The following PREPL variants were observed in gnomAD, a reference collection of about 807,000 sequenced individuals.
PREPL encodes prolyl endopeptidase like.
PREPL carries 77 observed loss-of-function variants against 70.6 expected under a neutral mutation model. The ratio of observed to expected loss-of-function variants is 1.09; its 90% CI spans 0.91 to 1.32. The LOEUF is 1.32. Ranked by LOEUF, PREPL falls within the 40% of genes most tolerant of loss-of-function variation. PREPL has a pLI of 0.00. For missense variants in PREPL, 1,002 were observed against 778.2 expected (o/e 1.29, Z -3.42); for synonymous variants, 315 against 264.8 (o/e 1.19, Z -1.84).
At chr2:44,349,777 A>G (rs1676210514) in intron 1 of PREPL, among the ~76,000 whole-genome samples, 1 of 152,102 alleles carries the variant, frequency 6.6e-6, no homozygotes, top group African/African-American at 2.4e-5. Flanking sequence ...CGAGGAGAGA[A>G]AAAGGCATAA....
chr2:44,338,843 T>C (rs188728999), intron 6 of PREPL, among the ~76,000 whole-genome samples: 29 of 152,342 alleles, frequency 1.9e-4, no homozygotes, highest in African/African-American at 6.5e-4. Flanking sequence ...AAGAACTGCC[T>C]AGCTGAGATC....
chr2:44,351,397 T>C (rs754139938), intron 1 of PREPL, among the ~76,000 whole-genome samples: 2 of 152,154 alleles, frequency 1.3e-5, no homozygotes, highest in Admixed American at 6.5e-5. Flanking sequence ...TGAACAATCC[T>C]GACCAAGATG....
rs767168885 is a variant in PREPL, at chr2:44,320,577, T to C, written c.*779A>G. The C allele has an allele frequency of 6.2e-7, 1 of 1,614,102 alleles. No homozygotes were observed. The highest frequency in any genetic ancestry group is 8.5e-7 in the Non-Finnish European group (1 of 1,179,950). On this transcript the variant is annotated 3_prime_UTR_variant, in exon 14 of 14. Transcript: ENST00000409411. ...TCGCCAAACAGCTTTCAGAGATAGATGCTTTGTTTCCAATCGAGCATGCTA... is the reference window on the plus strand; with the variant it reads ...TCGCCAAACAGCTTTCAGAGATAGACGCTTTGTTTCCAATCGAGCATGCTA...
intron 13 of PREPL, 164 bp from the exon 14 acceptor site, chr2:44,321,609 A>T: frequency 6.8e-7 from 1 of 1,480,650 alleles, no homozygotes; most frequent in Non-Finnish European, 8.9e-7. Flanking sequence ...AACAATTAAG[A>T]TTAAATTATT....
chr2:44,343,725 T>C lies in PREPL; in HGVS notation c.349+20A>G, dbSNP rs1199096860. The C allele has an allele frequency of 7.5e-6, 12 of 1,594,322 alleles. No individual in the cohort carries two copies. Among genetic ancestry groups the C allele is most frequent in the African/African-American group, 1.3e-5 (1 of 74,398 alleles). On this transcript the variant is annotated intron_variant, in intron 4 of 13. Coordinates refer to ENST00000409411, the MANE Select transcript of PREPL (RefSeq NM_001171613.2). ...ACCGTTGCCTTTCAACACAGAGGAC[T>C]ATTTTGGTTGGTGGCTTACCAAAAC...
chr2:44,321,920 G>C lies in PREPL; in HGVS notation c.1754-20C>G, dbSNP rs1192640537. 2.5e-6 allele frequency: 4 copies of C among 1,605,110 alleles called. No homozygotes were observed. Among genetic ancestry groups the C allele is most frequent in the Non-Finnish European group, 3.4e-6 (4 of 1,174,782 alleles). On this transcript the variant is annotated intron_variant, in intron 12 of 13. Transcript: ENST00000409411. ...GATAGCCTGGAAGAGTTAACATGTAGAACAATTAGAAGATTGTATGGGATC... is the reference window on the plus strand; with the variant it reads ...GATAGCCTGGAAGAGTTAACATGTACAACAATTAGAAGATTGTATGGGATC...
chr2:44,320,258 T>C lies in PREPL; in HGVS notation c.*1098A>G. The C allele has an allele frequency of 1.2e-6, 2 of 1,614,120 alleles. No individual in the cohort carries two copies. The highest frequency in any genetic ancestry group is 2.2e-5 in the East Asian group (1 of 44,884). On this transcript the variant is annotated 3_prime_UTR_variant, in exon 14 of 14. Coordinates refer to ENST00000409411, the MANE Select transcript of PREPL (RefSeq NM_001171613.2). The stretch of plus-strand genomic sequence containing the variant: ...TATATCAAGATTTAAGTCTACTTCA[T>C]GCCAATGAGCTACTCCTCAACAGGG...
rs116860306 is a variant in PREPL at position 44,349,636 on chromosome 2, C to T, written c.-48-3246G>A. Among the ~76,000 whole-genome samples, 111 of 151,978 alleles carry T rather than the reference C, an allele frequency of 7.3e-4. 2 individuals are homozygous for T. In the East Asian group the frequency reaches 0.018, roughly 25 times the overall value. On this transcript the variant is annotated intron_variant, in intron 1 of 13. Coordinates refer to ENST00000409411, the MANE Select transcript of PREPL (RefSeq NM_001171613.2). ...AATTAAAAGTTGGTTCTTTTAGAAA[C>T]CTATTAAAAAACAAACATCACAAAA... is the stretch of plus-strand genomic sequence containing the variant.
chr2:44,360,970 G>A (rs1294737265), intron 1 of PREPL, among the ~76,000 whole-genome samples: 1 of 152,080 alleles, frequency 6.6e-6, no homozygotes, highest in Non-Finnish European at 1.5e-5. Context: ...CCATGTCGCA[G>A]CAAAATAATG....
chr2:44,329,048 G>A lies in PREPL; in HGVS notation c.1151C>T (p.Pro384Leu). 6.2e-7 allele frequency: 1 copy of A among 1,612,698 alleles called. No individual in the cohort carries two copies. The highest frequency in any genetic ancestry group is 8.5e-7 in the Non-Finnish European group (1 of 1,178,868). Residue 384 changes from proline (P) to leucine (L), a missense_variant, in exon 9 of 14, where the codon CCT becomes CTT. Coordinates refer to ENST00000409411, the MANE Select transcript of PREPL (RefSeq NM_001171613.2). Reference protein sequence around the residue: ...KTDSEDLQKKPLLVHVYGAYG... With the variant: ...KTDSEDLQKKLLLVHVYGAYG... ...AGCTCCATATACATGTACCAAGAGA[G>A]GTTTCTTCTGCAAGTCCTCAGAGTC...
chr2:44,340,312 CTAATT>C (rs1246876010), intron 5 of PREPL, among the ~76,000 whole-genome samples: 6 of 151,976 alleles, frequency 3.9e-5, no homozygotes, highest in Non-Finnish European at 2.9e-5. Context: ...AATGGAAATA[CTAATT>C]TAATAAGTGT....
chr2:44,327,331 T>A lies in PREPL; in HGVS notation c.1263-403A>T, dbSNP rs184634560. On this transcript the variant is annotated intron_variant, in intron 9 of 13. Coordinates refer to ENST00000409411, the MANE Select transcript of PREPL (RefSeq NM_001171613.2). ...CGACTTACCCAGCAATGTGGTGTCA[T>A]TGCTACAATACAAGTGTATTTAAGG... Among the ~76,000 whole-genome samples, 6 of 152,260 alleles carry A rather than the reference T, an allele frequency of 3.9e-5. No homozygotes were observed. In the South Asian group the frequency reaches 1.2e-3, roughly 32 times the overall value.
At chr2:44,332,777 T>C (rs771936893) in intron 7 of PREPL, 121 bp from the exon 8 acceptor site, 4 of 731,634 alleles carry the variant, frequency 5.5e-6, no homozygotes, top group Non-Finnish European at 8.7e-6. Context: ...TGTTACCACG[T>C]CATGCCTCAT....
intron 13 of PREPL, 45 bp downstream of exon 13, chr2:44,321,782 A>G: frequency 6.2e-7 from 1 of 1,613,708 alleles, no homozygotes; most frequent in Non-Finnish European, 8.5e-7. Flanking sequence ...AACAACATGT[A>G]TCTAGTTCGG....
In PREPL at chr2:44,318,601, AAATG is replaced by A; in HGVS notation, c.*2751_*2754del. The A allele has an allele frequency of 9.2e-5, 1 of 10,912 alleles. No homozygotes were observed. Among genetic ancestry groups the A allele is most frequent in the Admixed American group, 5.8e-4 (1 of 1,722 alleles). 0.7% of individuals were successfully genotyped at this position (10,912 alleles called of 1,614,324 possible). On this transcript the variant is annotated 3_prime_UTR_variant, in exon 14 of 14. Transcript: ENST00000409411. The stretch of plus-strand genomic sequence containing the variant: ...GTAAAGAAAAATATATAAACATATG[AAATG>A]ATACATTCTGTGCCTATGCAAACAT...
At chr2:44,329,160 A>T (rs773864355) in intron 8 of PREPL, 48 bp from the exon 9 acceptor site, 2 of 1,440,534 alleles carry the variant, frequency 1.4e-6, no homozygotes, top group Non-Finnish European at 9.6e-7. Flanking sequence ...CTTTTATAAT[A>T]ACTGTTTTAT....
At position 44,329,038 on chromosome 2, in the gene PREPL, T is replaced by G; in HGVS notation, c.1161A>C (p.Val387=). The change falls in exon 9 of 14, where the codon GTA becomes GTC. Residue 387 remains valine (V), a synonymous_variant. Transcript: ENST00000409411. ...CCATTCCATAAGCTCCATATACATG[T>G]ACCAAGAGAGGTTTCTTCTGCAAGT... ...SEDLQKKPLL[V]HVYGAYGMDL... The G allele has an allele frequency of 1.2e-6, 2 of 1,613,330 alleles. No homozygotes were observed. The highest frequency in any genetic ancestry group is 1.7e-6 in the Non-Finnish European group (2 of 1,179,296).
At chr2:44,341,050 T>A (rs1415310209) in intron 5 of PREPL, among the ~76,000 whole-genome samples, 1 of 152,192 alleles carries the variant, frequency 6.6e-6, no homozygotes, top group Non-Finnish European at 1.5e-5. Context: ...TTGAGTTTAA[T>A]ATTTTACGTA....
chr2:44,360,319 T>C (rs1272321145), intron 1 of PREPL: 1 of 152,226 alleles, frequency 6.6e-6, no homozygotes, highest in African/African-American at 2.4e-5. Context: ...CTTAATAAAG[T>C]AGATATTACC....
Sources: gnomAD v4.1 joint callset for allele counts (sites outside exome capture counted in the v4.1 genomes callset) on GRCh38, gnomAD v4.1.1 for gene constraint, MANE v1.5 for transcripts, NCBI Gene and HGNC (gene_info 2026-07-23, HGNC 2026-07-21) for gene names.